AP3B1: variants seen among roughly 807,000 people sequenced by gnomAD.
The protein encoded by AP3B1 is adaptor related protein complex 3 subunit beta 1, also known as AP-3 complex subunit beta-1.
A neutral mutation model predicts 132.5 loss-of-function variants in AP3B1; 61 were observed. The observed-to-expected ratio is 0.46, with a 90% CI of 0.37 to 0.57. The LOEUF (loss-of-function observed/expected upper bound fraction) is 0.57, where lower values mean the gene tolerates loss of function less well. Ranked by LOEUF, AP3B1 falls within the 20% of genes least tolerant of loss-of-function variation. The pLI, the probability that AP3B1 is intolerant of heterozygous loss-of-function variation, is 0.00. For missense variants in AP3B1, 1,120 were observed against 1,289.4 expected, an observed-to-expected ratio of 0.87 and a Z score of 2.01; for synonymous variants, 388 against 438.3, an observed-to-expected ratio of 0.89 and a Z score of 1.43.
chr5:78,173,128 G>T (rs540236459), intron 11 of AP3B1, among the ~76,000 whole-genome samples: 1 of 152,222 alleles, frequency 6.6e-6, no homozygotes, highest in Non-Finnish European at 1.5e-5. Context: ...GTGAGAGTTT[G>T]TTGTGATTTC....
At chr5:78,134,789 C>T (rs542389788) in intron 15 of AP3B1, among the ~76,000 whole-genome samples, 2 of 152,140 alleles carry the variant, frequency 1.3e-5, no homozygotes, top group East Asian at 3.9e-4. Context: ...GTGATCTGCC[C>T]GTCTCGGCCT....
chr5:78,193,745 T>TATATCTATATATATATATAG (rs1744948808), intron 7 of AP3B1, among the ~76,000 whole-genome samples: 1 of 24,460 alleles, frequency 4.1e-5, no homozygotes, highest in Non-Finnish European at 7.6e-5. Context: ...TATATTTTTT[T>TATATCTATATATATATATAG]ATATATATAT....
At chr5:78,061,629 T>A (rs988972234) in intron 22 of AP3B1, among the ~76,000 whole-genome samples, 3 of 152,214 alleles carry the variant, frequency 2.0e-5, no homozygotes, top group Non-Finnish European at 4.4e-5. Flanking sequence ...TTTCTTAATT[T>A]CAAACTCATA....
intron 1 of AP3B1, among the ~76,000 whole-genome samples, chr5:78,268,464 T>G (rs567894623): frequency 4.6e-5 from 7 of 152,246 alleles, no homozygotes; most frequent in African/African-American, 1.7e-4. Context: ...CATACACACA[T>G]GCCAAAAAAG....
intron 14 of AP3B1, among the ~76,000 whole-genome samples, chr5:78,149,586 C>G (rs1385448658): frequency 6.6e-6 from 1 of 152,182 alleles, no homozygotes; most frequent in Non-Finnish European, 1.5e-5. Flanking sequence ...GAGCACTGTT[C>G]TAAGTGCTTC....
chr5:78,169,149 C>T (rs1163306564), intron 11 of AP3B1, among the ~76,000 whole-genome samples: 1 of 152,134 alleles, frequency 6.6e-6, no homozygotes, highest in Non-Finnish European at 1.5e-5. Flanking sequence ...AAATATCACA[C>T]TATTTTAATC....
At chr5:78,291,420 G>GAAAAAAAAA (rs5868911) in intron 1 of AP3B1, among the ~76,000 whole-genome samples, 14 of 85,706 alleles carry the variant, frequency 1.6e-4, no homozygotes, top group South Asian at 5.1e-4. Flanking sequence ...CAGATAATTT[G>GAAAAAAAAA]AAAAAAAAAA....
intron 1 of AP3B1, among the ~76,000 whole-genome samples, chr5:78,275,482 A>C (rs1324207662): frequency 1.3e-5 from 2 of 152,002 alleles, no homozygotes; most frequent in Admixed American, 1.3e-4. Flanking sequence ...CATGATAGGC[A>C]ATTTTTTTTT....
At chr5:78,026,131 T>A (rs1417540527) in intron 24 of AP3B1, among the ~76,000 whole-genome samples, 1 of 152,214 alleles carries the variant, frequency 6.6e-6, no homozygotes, top group Non-Finnish European at 1.5e-5. Flanking sequence ...ATTATCTCCA[T>A]TTCTACACAT....
At chr5:78,211,962 C>A (rs1438830947) in intron 7 of AP3B1, among the ~76,000 whole-genome samples, 1 of 152,122 alleles carries the variant, frequency 6.6e-6, no homozygotes, top group African/African-American at 2.4e-5. Flanking sequence ...ATTCTGATTG[C>A]CCTATGGCAA....
At chr5:78,216,357 A>G in intron 6 of AP3B1, 120 bp from the exon 7 acceptor site, 1 of 914,518 alleles carries the variant, frequency 1.1e-6, no homozygotes, top group South Asian at 1.5e-5. Flanking sequence ...CAGTCATTCA[A>G]TTAAAATGAA....
At chr5:78,287,298 G>A (rs1292856011) in intron 1 of AP3B1, among the ~76,000 whole-genome samples, 1 of 151,972 alleles carries the variant, frequency 6.6e-6, no homozygotes, top group Non-Finnish European at 1.5e-5. Flanking sequence ...CTACTGTCAA[G>A]AAAGAATATT....
At chr5:78,154,451 A>C (rs1456138005) in intron 14 of AP3B1, among the ~76,000 whole-genome samples, 1 of 152,108 alleles carries the variant, frequency 6.6e-6, no homozygotes, top group African/African-American at 2.4e-5. Context: ...ATCTGCTTGA[A>C]GTTCTATAAC....
At chr5:78,173,886 T>C (rs1328735378) in intron 11 of AP3B1, among the ~76,000 whole-genome samples, 2 of 152,186 alleles carry the variant, frequency 1.3e-5, no homozygotes, top group Non-Finnish European at 2.9e-5. Flanking sequence ...TCATTTCTTT[T>C]AAGTCTTTTT....
intron 2 of AP3B1, among the ~76,000 whole-genome samples, chr5:78,243,341 G>C (rs1232281702): frequency 6.6e-6 from 1 of 152,092 alleles, no homozygotes; most frequent in South Asian, 2.1e-4. Context: ...CTGTCCTATG[G>C]TATCCTACTC....
chr5:78,056,243 T>C (rs1748809850), intron 22 of AP3B1, among the ~76,000 whole-genome samples: 1 of 152,194 alleles, frequency 6.6e-6, no homozygotes, highest in Non-Finnish European at 1.5e-5. Flanking sequence ...AGCCACATAT[T>C]AAATGGTGAG....
chr5:78,001,600 T>C (rs924802346), downstream of AP3B1: 16 of 152,232 alleles, frequency 1.1e-4, no homozygotes, highest in African/African-American at 3.4e-4. Flanking sequence ...AGCTTGAAAA[T>C]TTAAATAATT....
intron 18 of AP3B1, among the ~76,000 whole-genome samples, chr5:78,115,317 T>A (rs75383963): frequency 0.027 from 4,136 of 152,226 alleles, 167 homozygotes; most frequent in African/African-American, 0.086. Flanking sequence ...CAGATAACCA[T>A]GTAAGAGTGA....
chr5:78,234,989 G>A (rs1203334982), intron 3 of AP3B1, among the ~76,000 whole-genome samples: 1 of 151,972 alleles, frequency 6.6e-6, no homozygotes, highest in Admixed American at 6.6e-5. Context: ...GGTGTGTGGG[G>A]AGGGGTGTGT....
Sources: gnomAD v4.1 joint callset for allele counts (sites outside exome capture counted in the v4.1 genomes callset) on GRCh38, gnomAD v4.1.1 for gene constraint, MANE v1.5 for transcripts, NCBI Gene and HGNC (gene_info 2026-07-23, HGNC 2026-07-21) for gene names.